Variants in IL12RB1 observed in about 807,000 individuals in gnomAD.
IL12RB1 encodes the protein interleukin-12 receptor subunit beta-1.
IL12RB1 carries 64 observed loss-of-function variants against 94.4 expected under a neutral mutation model. That is an observed-to-expected ratio of 0.68 (90% CI 0.55 to 0.83). IL12RB1 has a LOEUF of 0.83. IL12RB1 is among the 40% of genes least tolerant of loss of function. IL12RB1 has a pLI of 0.00. For missense variants in IL12RB1, 814 were observed against 855.6 expected (o/e 0.95, Z 0.61); for synonymous variants, 362 against 355.5 (o/e 1.02, Z -0.21).
intron 11 of IL12RB1, among the ~76,000 whole-genome samples, chr19:18,067,658 C>T (rs988735271): frequency 1.3e-5 from 2 of 152,104 alleles, no homozygotes; most frequent in African/African-American, 4.8e-5. Context: ...AAAAAATTAT[C>T]CAGGCATGGT....
chr19:18,085,911 A>C (rs1049941566), intron 1 of IL12RB1, among the ~76,000 whole-genome samples: 7 of 150,424 alleles, frequency 4.7e-5, no homozygotes, highest in African/African-American at 1.7e-4. Context: ...GCAGGGCCTG[A>C]GATTATTAAA....
chr19:18,080,249 G>A (rs17882294), intron 4 of IL12RB1, among the ~76,000 whole-genome samples: 2,826 of 151,738 alleles, frequency 0.019, 41 homozygotes, highest in Non-Finnish European at 0.029. Context: ...GTGTGTTGCT[G>A]TTGTTTTTTA....
intron 9 of IL12RB1, chr19:18,070,629 G>T: frequency 1.5e-6 from 1 of 648,700 alleles, no homozygotes; most frequent in Non-Finnish European, 1.9e-6. Flanking sequence ...GAGCTTTACA[G>T]GCACCATTTC....
chr19:18,097,236 G>A (rs2037015533), intron 1 of IL12RB1, among the ~76,000 whole-genome samples: 2 of 152,036 alleles, frequency 1.3e-5, no homozygotes. Flanking sequence ...GGAGTGCAGC[G>A]GCGCTATCCC....
intron 12 of IL12RB1, among the ~76,000 whole-genome samples, chr19:18,064,867 G>A (rs2034462042): frequency 6.6e-6 from 1 of 152,120 alleles, no homozygotes; most frequent in Non-Finnish European, 1.5e-5. Flanking sequence ...CTGAGGACTA[G>A]CTAAAGCAGG....
rs1004503594 is a variant in IL12RB1 at position 18,066,712 on chromosome 19, A to G, written c.1328-15T>C. ...AGCTGCTGAGGCTGCAACCAGTACCATTGTCATAGTCAACACCAAGAATGC... is the reference window on the plus strand; with the variant it reads ...AGCTGCTGAGGCTGCAACCAGTACCGTTGTCATAGTCAACACCAAGAATGC... On this transcript the variant is annotated splice_polypyrimidine_tract_variant and intron_variant, in intron 11 of 16. Transcript: ENST00000593993. 2 of 1,601,008 alleles carry G rather than the reference A, an allele frequency of 1.2e-6. No homozygotes were observed. Among genetic ancestry groups the G allele is most frequent in the Non-Finnish European group, 1.7e-6 (2 of 1,170,922 alleles).
In IL12RB1 at chr19:18,075,761, A is replaced by T; in HGVS notation, c.688T>A (p.Cys230Ser). The change falls in exon 7 of 17, where the codon TGC (cysteine) becomes AGC (serine). Residue 230 changes from cysteine (C) to serine (S), a missense_variant. Cys to Ser is a moderately radical substitution (Grantham distance 112, BLOSUM62 -1). Transcript: ENST00000593993. Reference protein sequence around the residue: ...SSWSKWSSPVCVPPENPPQPQ... With the variant: ...SSWSKWSSPVSVPPENPPQPQ... ...AGAGTGATCTTACCAGGGGGAACGCACACGGGGCTGCTCCACTTGCTCCAG... is the reference window on the plus strand; with the variant it reads ...AGAGTGATCTTACCAGGGGGAACGCTCACGGGGCTGCTCCACTTGCTCCAG... 1 of 1,613,180 alleles carries T rather than the reference A, an allele frequency of 6.2e-7. No individual in the cohort carries two copies. The highest frequency in any genetic ancestry group is 8.5e-7 in the Non-Finnish European group (1 of 1,179,226).
chr19:18,065,318 T>C lies in IL12RB1; in HGVS notation c.1483+1224A>G, dbSNP rs533793301. Among the ~76,000 whole-genome samples, 280 of 152,224 alleles carry C rather than the reference T, an allele frequency of 1.8e-3. 1 individual carries two copies. Among genetic ancestry groups the C allele is most frequent in the Non-Finnish European group, 2.7e-3 (183 of 68,014 alleles). On this transcript the variant is annotated intron_variant, in intron 12 of 16. Coordinates refer to ENST00000593993, the MANE Select transcript of IL12RB1 (RefSeq NM_005535.3). ...AATGGAGACAGTCATCCCTGCTTGA[T>C]GAGAGTTCAGCTGCTGCTACATGTG... is the stretch of plus-strand genomic sequence containing the variant.
In IL12RB1 at chr19:18,066,679, G is replaced by T; in HGVS notation, c.1346C>A (p.Pro449Gln). ...ATGATTCTTCACCGAGACGTGGTGC[G>T]GTGTCCCAGCTGCTGAGGCTGCAAC... Reference protein sequence around the residue: ...FGGNASAAGTPHHVSVKNHSL... With the variant: ...FGGNASAAGTQHHVSVKNHSL... The change falls in exon 12 of 17, where the codon CCG (proline) becomes CAG (glutamine). Residue 449 changes from proline (P) to glutamine (Q), a missense_variant. By Grantham distance (76) the Pro-to-Gln change is moderately conservative. Coordinates refer to ENST00000593993, the MANE Select transcript of IL12RB1 (RefSeq NM_005535.3). 2 of 1,609,056 alleles carry T rather than the reference G, an allele frequency of 1.2e-6. No individual in the cohort carries two copies. The highest frequency in any genetic ancestry group is 1.7e-6 in the Non-Finnish European group (2 of 1,176,374).
chr19:18,061,010 TTTG>T, intron 15 of IL12RB1, 109 bp downstream of exon 15: 2 of 713,492 alleles, frequency 2.8e-6, no homozygotes, highest in Non-Finnish European at 5.2e-6. Context: ...GAGCACTGGT[TTTG>T]GAGTCCTTAC....
intron 1 of IL12RB1, among the ~76,000 whole-genome samples, chr19:18,094,197 C>G (rs2036775523): frequency 6.6e-6 from 1 of 152,206 alleles, no homozygotes; most frequent in African/African-American, 2.4e-5. Flanking sequence ...GGCACTATCT[C>G]AGCTCACTGC....
chr19:18,075,898 G>T (rs755107353), intron 6 of IL12RB1, 30 bp from the exon 7 acceptor site: 6 of 1,608,846 alleles, frequency 3.7e-6, no homozygotes, highest in Non-Finnish European at 4.3e-6. Context: ...ACATCAGGCC[G>T]TAAGAATTGT....
chr19:18,060,985 A>G (rs2034080364), intron 15 of IL12RB1, 137 bp downstream of exon 15: 1 of 612,270 alleles, frequency 1.6e-6, no homozygotes, highest in African/African-American at 1.9e-5. Context: ...TGTCTTTAAA[A>G]TGGGAAGGGG....
chr19:18,076,696 G>A (rs149713354), intron 5 of IL12RB1, among the ~76,000 whole-genome samples: 1,802 of 152,130 alleles, frequency 0.012, 48 homozygotes, highest in African/African-American at 0.041. Context: ...GTGAGCCACC[G>A]CACCTCGCTA....
intron 8 of IL12RB1, 40 bp from the exon 9 acceptor site, chr19:18,072,389 ACAC>A: frequency 2.3e-6 from 3 of 1,305,692 alleles, no homozygotes; most frequent in Non-Finnish European, 3.3e-6. Flanking sequence ...GTACCTGATC[ACAC>A]TCATCATCCC....
intron 9 of IL12RB1, among the ~76,000 whole-genome samples, 170 bp downstream of exon 9, chr19:18,071,942 G>A (rs17881748): frequency 3.4e-4 from 51 of 152,156 alleles, no homozygotes; most frequent in African/African-American, 1.2e-3. Flanking sequence ...TGGGATTACA[G>A]GTGTGAGCCA....
intron 11 of IL12RB1, among the ~76,000 whole-genome samples, chr19:18,067,257 G>A (rs1219830109): frequency 6.7e-6 from 1 of 148,754 alleles, no homozygotes; most frequent in Non-Finnish European, 1.5e-5. Flanking sequence ...CCGGGATGCA[G>A]AGGTTTCAGT....
chr19:18,064,782 G>T (rs925477710), intron 12 of IL12RB1, among the ~76,000 whole-genome samples: 1 of 152,144 alleles, frequency 6.6e-6, no homozygotes, highest in Non-Finnish European at 1.5e-5. Flanking sequence ...CTGACTTGTT[G>T]GATCTTTGGG....
At chr19:18,094,411 G>A (rs1022180109) in intron 1 of IL12RB1, among the ~76,000 whole-genome samples, 4 of 152,168 alleles carry the variant, frequency 2.6e-5, no homozygotes, top group Non-Finnish European at 4.4e-5. Flanking sequence ...TTACAGACAT[G>A]AGCCAGCACA....
Sources: allele counts gnomAD v4.1 joint callset (sites outside exome capture counted in the v4.1 genomes callset), GRCh38; gene constraint gnomAD v4.1.1; transcripts MANE v1.5; gene names NCBI Gene and HGNC (gene_info 2026-07-23, HGNC 2026-07-21).